The following STMN1 variants were observed in gnomAD, a reference collection of about 807,000 sequenced individuals.
STMN1 encodes the protein stathmin.
STMN1 carries 3 observed loss-of-function variants against 19.7 expected under a neutral mutation model. The ratio of observed to expected loss-of-function variants is 0.15; its 90% CI spans 0.07 to 0.39. The LOEUF is 0.39. Ranked by LOEUF, STMN1 falls within the 10% of genes least tolerant of loss-of-function variation. The pLI is 1.00. For synonymous variants in STMN1, 59 were observed against 58.9 expected (o/e 1.00, Z -0.01); for missense variants, 99 against 176.0 (o/e 0.56, Z 2.48).
Position 25,900,550 on chromosome 1 carries a change from A to G in STMN1, c.*466T>C. The G allele has an allele frequency of 1.0e-6, 1 of 986,154 alleles. No homozygotes were observed. Among genetic ancestry groups the G allele is most frequent in the Non-Finnish European group, 1.2e-6 (1 of 830,136 alleles). The allele number at this position is 986,154 out of a possible 1,614,324, so 61.1% of individuals were successfully genotyped here. On this transcript the variant is annotated 3_prime_UTR_variant, in exon 5 of 5. Coordinates refer to ENST00000455785, the MANE Select transcript of STMN1 (RefSeq NM_005563.4). ...TGGCTTGATTTATTAACCTAACTCA[A>G]AAGAAGTCACTGCCACCAACAGCAC...
intron 4 of STMN1, among the ~76,000 whole-genome samples, chr1:25,886,339 G>A (rs1277954654): frequency 6.6e-6 from 1 of 152,202 alleles, no homozygotes; most frequent in East Asian, 1.9e-4. Flanking sequence ...TCCATCATTA[G>A]CTTTCTATGT....
downstream of STMN1, chr1:25,885,396 TGCCAC>T (rs200744009): frequency 6.6e-5 from 12 of 181,938 alleles, no homozygotes; most frequent in East Asian, 1.7e-3. Context: ...AGGTCCCACT[TGCCAC>T]GCACAAAAAT....
At chr1:25,901,262 G>A in intron 4 of STMN1, 175 bp from the exon 5 acceptor site, 1 of 1,278,380 alleles carries the variant, frequency 7.8e-7, no homozygotes, top group South Asian at 1.6e-5. Context: ...AAATCTCCTG[G>A]GTCCCTTGTA....
At chr1:25,889,356 G>GA (rs1222826222) in intron 4 of STMN1, among the ~76,000 whole-genome samples, 7 of 152,132 alleles carry the variant, frequency 4.6e-5, no homozygotes, top group African/African-American at 1.7e-4. Flanking sequence ...TATAAGGGAG[G>GA]AGAGACTCAG....
Position 25,900,746 on chromosome 1 carries a change from G to C in STMN1, c.*270C>G, listed in dbSNP as rs1572302029. The C allele has an allele frequency of 7.9e-7, 1 of 1,267,330 alleles. No homozygotes were observed. The allele number at this position is 1,267,330 out of a possible 1,614,324, so 78.5% of individuals were successfully genotyped here. A position where few individuals can be genotyped will look rare whatever the true frequency, so the allele number is the denominator to read the frequency against. Reference sequence around the variant, plus strand: ...CAATACAGTACTAGCCATTAACCCAGTACACCAAGTGTACTGAAGTAGAAA... The same window carrying C: ...CAATACAGTACTAGCCATTAACCCACTACACCAAGTGTACTGAAGTAGAAA... On this transcript the variant is annotated 3_prime_UTR_variant, in exon 5 of 5. Transcript: ENST00000455785.
chr1:25,887,632 G>T (rs1452339983), intron 4 of STMN1: 7 of 237,912 alleles, frequency 2.9e-5, no homozygotes, highest in Non-Finnish European at 6.0e-5. Flanking sequence ...CTTTTCTGGG[G>T]GATTTTGAAA....
At chr1:25,885,528 C>A in exon 5 of STMN1, 1 of 673,660 alleles carries the variant, frequency 1.5e-6, no homozygotes. Context: ...CAGGCATTTT[C>A]ATTCTTGCTA....
rs547594354 is a variant in STMN1, at chr1:25,885,931, G to C, written c.379-62C>G. The stretch of plus-strand genomic sequence containing the variant: ...CCCAGAGGCCAAGGGACAGGAGGTG[G>C]AGGGGCCCTTCATCAGGGCTAAAAC... On this transcript the variant is annotated intron_variant, in intron 4 of 4. Coordinates refer to the STMN1 transcript ENST00000426559. The C allele has an allele frequency of 4.7e-6, 7 of 1,478,012 alleles. No homozygotes were observed. The East Asian group carries it at 1.8e-4, about 37-fold the overall frequency. The allele number at this position is 1,478,012 out of a possible 1,614,324, so 91.6% of individuals were successfully genotyped here.
Position 25,900,704 on chromosome 1 carries a change from A to G in STMN1, c.*312T>C. On this transcript the variant is annotated 3_prime_UTR_variant, in exon 5 of 5. Transcript: ENST00000455785. ...AAGCCACTACATACTCTTTTCACAA[A>G]TATGTTTTCACAGAGCCAATACAGT... 1 of 1,095,330 alleles carries G rather than the reference A, an allele frequency of 9.1e-7. No homozygotes were observed. Among genetic ancestry groups the G allele is most frequent in the East Asian group, 6.0e-5 (1 of 16,624 alleles). 67.9% of individuals were successfully genotyped at this position (1,095,330 alleles called of 1,614,324 possible). A position where few individuals can be genotyped will look rare whatever the true frequency, so the allele number is the denominator to read the frequency against.
At chr1:25,903,929 A>C in intron 2 of STMN1, 116 bp from the exon 3 acceptor site, 1 of 1,136,350 alleles carries the variant, frequency 8.8e-7, no homozygotes, top group Non-Finnish European at 1.2e-6. Context: ...GCTGATGAGG[A>C]AAGTTGTGTT....
intron 4 of STMN1, chr1:25,892,690 A>C: frequency 8.7e-5 from 65 of 744,136 alleles, no homozygotes; most frequent in Non-Finnish European, 1.0e-4. Context: ...CGGGCCTCTC[A>C]TCTAGCCTTC....
In STMN1 at chr1:25,900,892, C is replaced by T. The variant is rs958987299; in HGVS notation, c.*124G>A. 6.5e-7 allele frequency: 1 copy of T among 1,545,878 alleles called. No homozygotes were observed. The highest frequency in any genetic ancestry group is 8.7e-7 in the Non-Finnish European group (1 of 1,149,142). On this transcript the variant is annotated 3_prime_UTR_variant, in exon 5 of 5. Transcript: ENST00000455785. ...ATCTTACAGTCTGGATCTGGATCTA[C>T]CTATACAGTCCTACATTAGCTTCTA...
At chr1:25,888,270 T>C (rs1017024008) in intron 4 of STMN1, among the ~76,000 whole-genome samples, 2 of 152,146 alleles carry the variant, frequency 1.3e-5, no homozygotes, top group African/African-American at 4.8e-5. Context: ...GCTGTGGGAA[T>C]AGACATGCCA....
intron 3 of STMN1, 104 bp from the exon 4 acceptor site, chr1:25,901,786 G>A: frequency 5.3e-6 from 6 of 1,126,840 alleles, no homozygotes; most frequent in East Asian, 2.6e-5. Context: ...AAGGTGGGTG[G>A]ATCATTTGAG....
chr1:25,904,856 C>T (rs952639527), intron 1 of STMN1, 118 bp from the exon 2 acceptor site: 19 of 587,126 alleles, frequency 3.2e-5, no homozygotes, highest in Non-Finnish European at 4.7e-5. Flanking sequence ...GGAATAAAGA[C>T]GTCTAAATTA....
chr1:25,896,972 T>C (rs1044484677), downstream of STMN1, among the ~76,000 whole-genome samples: 2 of 152,206 alleles, frequency 1.3e-5, no homozygotes, highest in African/African-American at 2.4e-5. Context: ...AGGGAACTTC[T>C]AGGGCATCTA....
chr1:25,899,452 G>A (rs980036024), downstream of STMN1, among the ~76,000 whole-genome samples: 6 of 152,188 alleles, frequency 3.9e-5, no homozygotes, highest in African/African-American at 1.4e-4. Flanking sequence ...ACCTATTGTT[G>A]TATTCAACTA....
chr1:25,904,857 G>A (rs778633505), intron 1 of STMN1, 119 bp from the exon 2 acceptor site: 3 of 579,386 alleles, frequency 5.2e-6, no homozygotes, highest in East Asian at 6.7e-5. Flanking sequence ...GAATAAAGAC[G>A]TCTAAATTAA....
downstream of STMN1, chr1:25,900,074 C>G (rs1265542635): frequency 4.1e-6 from 4 of 985,510 alleles, no homozygotes; most frequent in Non-Finnish European, 3.6e-6. Context: ...TCAAATGCTA[C>G]TTTAGAAATA....
Sources: allele counts gnomAD v4.1 joint callset (sites outside exome capture counted in the v4.1 genomes callset), GRCh38; gene constraint gnomAD v4.1.1; transcripts MANE v1.5; gene names NCBI Gene and HGNC (gene_info 2026-07-23, HGNC 2026-07-21).